The following BGN variants were observed in gnomAD, a reference collection of about 807,000 sequenced individuals.
BGN encodes the protein bone/cartilage proteoglycan-I.
BGN carries 6 observed loss-of-function variants against 20.0 expected under a neutral mutation model. The observed-to-expected ratio is 0.30, with a 90% confidence interval of 0.16 to 0.59. The LOEUF (loss-of-function observed/expected upper bound fraction) is 0.59. Ranked by LOEUF, BGN falls within the 20% of genes least tolerant of loss-of-function variation. The pLI is 0.88. For missense variants in BGN, 292 were observed against 312.1 expected, an observed-to-expected ratio of 0.94 and a Z score of 0.49; for synonymous variants, 146 against 134.6, an observed-to-expected ratio of 1.08 and a Z score of -0.59.
At chrX:153,506,475 C>T in intron 4 of BGN, 54 bp from the exon 5 acceptor site, 1 of 1,098,578 alleles carries the variant, frequency 9.1e-7, no homozygotes, top group Non-Finnish European at 1.2e-6. Flanking sequence ...GTGACAGGAC[C>T]CAGGGCTGTG....
At chrX:153,499,554 C>T (rs782521739) in intron 1 of BGN, among the ~76,000 whole-genome samples, 4 of 113,440 alleles carry the variant, frequency 3.5e-5, no homozygotes, top group Non-Finnish European at 7.5e-5. Flanking sequence ...GGGGAGCAGA[C>T]GCCCAAGCGT....
At chrX:153,496,543 G>A (rs2089715953) in intron 1 of BGN, among the ~76,000 whole-genome samples, 1 of 112,610 alleles carries the variant, frequency 8.9e-6, no homozygotes, top group Non-Finnish European at 1.9e-5. Flanking sequence ...AGGGCTGGGC[G>A]GTGGGAGCAG....
At chrX:153,500,765 G>A (rs782173836) in intron 1 of BGN, among the ~76,000 whole-genome samples, 4 of 110,765 alleles carry the variant, frequency 3.6e-5, no homozygotes, top group South Asian at 7.8e-4. Context: ...AAATGTGTAT[G>A]TGTGCGTGTG....
rs73245886 is a variant in BGN, at chrX:153,501,215, C to T, written c.-11-3406C>T. On this transcript the variant is annotated intron_variant, in intron 1 of 7. Transcript: ENST00000331595. ...GTGTGTTTGTGTGTGTATGTGTGTA[C>T]GTGTGTGTGTGTGCATGTTCTGGCA... Among the ~76,000 whole-genome samples, 465 of 109,730 alleles carry T rather than the reference C, an allele frequency of 4.2e-3. 1 individual carries two copies. Among genetic ancestry groups the T allele is most frequent in the Non-Finnish European group, 7.6e-3 (399 of 52,203 alleles).
At chrX:153,499,600 G>T (rs1174899542) in intron 1 of BGN, among the ~76,000 whole-genome samples, 1 of 113,426 alleles carries the variant, frequency 8.8e-6, no homozygotes, top group Non-Finnish European at 1.9e-5. Flanking sequence ...AACGGCAGGG[G>T]CTTGGAATGT....
At position 153,508,432 on chromosome X, in the gene BGN, A is replaced by C; in HGVS notation, c.1094A>C (p.Asn365Thr). Reference protein sequence around the residue: ...VTDRLAIQFGNYKK With the variant: ...VTDRLAIQFGTYKK ...GACCGCCTGGCCATCCAGTTTGGCA[A>C]CTACAAAAAGTAGAGGCAGCTGCAG... is the stretch of plus-strand genomic sequence containing the variant. The change falls in exon 8 of 8, where the codon AAC (asparagine) becomes ACC (threonine). Residue 365 changes from asparagine (N) to threonine (T), a missense_variant. Coordinates refer to ENST00000331595, the MANE Select transcript of BGN (RefSeq NM_001711.6). 1 of 1,211,672 alleles carries C rather than the reference A, an allele frequency of 8.3e-7. No individual in the cohort carries two copies. Among genetic ancestry groups the C allele is most frequent in the South Asian group, 1.8e-5 (1 of 57,014 alleles).
intron 1 of BGN, among the ~76,000 whole-genome samples, chrX:153,501,807 C>G (rs895364780): frequency 8.9e-6 from 1 of 112,516 alleles, no homozygotes; most frequent in Non-Finnish European, 1.9e-5. Flanking sequence ...TCACGGGGCC[C>G]GGGTGTATGG....
In BGN at chrX:153,508,763, G is replaced by T. The variant is rs743642; in HGVS notation, c.*318G>T. 57,551 of 344,255 alleles carry T rather than the reference G, an allele frequency of 0.17. 5,549 individuals carry two copies. Among genetic ancestry groups the T allele is most frequent in the Admixed American group, 0.43 (8,457 of 19,701 alleles). The allele number at this position is 344,255 out of a possible 1,213,427, so 28.4% of individuals were successfully genotyped here. On this transcript the variant is annotated 3_prime_UTR_variant, in exon 8 of 8. Coordinates refer to ENST00000331595, the MANE Select transcript of BGN (RefSeq NM_001711.6). ...TCACTCCCAAACCCAAGTGTCCAAG[G>T]CTCCAGTCCTAGGAGAACAGTCCCT...
intron 1 of BGN, 58 bp downstream of exon 1, chrX:153,495,171 C>T (rs1277777903): frequency 9.0e-6 from 1 of 110,835 alleles, no homozygotes; most frequent in Non-Finnish European, 1.9e-5. Flanking sequence ...GGCTCTGCTG[C>T]CTCCGCTGTC....
At chrX:153,495,498 T>C (rs2089705862) in intron 1 of BGN, 1 of 112,229 alleles carries the variant, frequency 8.9e-6, no homozygotes, top group East Asian at 2.8e-4. Context: ...TGTTTCATCA[T>C]TGCAAGTCCC....
At chrX:153,502,306 G>T (rs1345646244) in intron 1 of BGN, among the ~76,000 whole-genome samples, 3 of 112,390 alleles carry the variant, frequency 2.7e-5, no homozygotes, top group Admixed American at 1.9e-4. Context: ...CTCTGGCGGG[G>T]TGTCCCAGCC....
chrX:153,496,504 G>T (rs2089715781), intron 1 of BGN, among the ~76,000 whole-genome samples: 1 of 112,817 alleles, frequency 8.9e-6, no homozygotes, highest in African/African-American at 3.2e-5. Flanking sequence ...TATATTGAAA[G>T]GAAGATGCAG....
At chrX:153,504,529 C>T (rs960737458) in intron 1 of BGN, 92 bp from the exon 2 acceptor site, 16 of 774,453 alleles carry the variant, frequency 2.1e-5, no homozygotes, top group African/African-American at 6.3e-5. Flanking sequence ...GGGATGGGAA[C>T]GCAGTGCCAC....
chrX:153,500,219 C>T (rs1252373530), intron 1 of BGN, among the ~76,000 whole-genome samples: 2 of 113,194 alleles, frequency 1.8e-5, no homozygotes, highest in East Asian at 5.6e-4. Context: ...GAGGGGCAGA[C>T]AAGGAGGGCC....
chrX:153,504,699 G>A lies in BGN; in HGVS notation c.68G>A (p.Gly23Asp). Reference protein sequence around the residue: ...LSQALPFEQRGFWDFTLDDGP... With the variant: ...LSQALPFEQRDFWDFTLDDGP... The stretch of plus-strand genomic sequence containing the variant: ...CAGGCCCTGCCCTTTGAGCAGAGAG[G>A]CTTCTGGGACTTCACCCTGGACGAT... Residue 23 changes from glycine to aspartate, a missense_variant, in exon 2 of 8, where the codon GGC (glycine) becomes GAC (aspartate). Physicochemically the swap from Gly to Asp is moderately conservative, Grantham distance 94. Transcript: ENST00000331595. 1.7e-6 allele frequency: 2 copies of A among 1,212,027 alleles called. No homozygotes were observed. Among genetic ancestry groups the A allele is most frequent in the Non-Finnish European group, 2.2e-6 (2 of 895,567 alleles).
At position 153,505,916 on chromosome X, in the gene BGN, C is replaced by A. The variant is rs1556992996; in HGVS notation, c.405C>A (p.Ser135Arg). The A allele has an allele frequency of 8.3e-6, 10 of 1,211,901 alleles. No individual in the cohort carries two copies. Among genetic ancestry groups the A allele is most frequent in the Non-Finnish European group, 1.1e-5 (10 of 895,550 alleles). ...KISKIHEKAFSPLRKLQKLYI... is the reference protein window; with the variant it reads ...KISKIHEKAFRPLRKLQKLYI... ...CCAAGATCCATGAGAAGGCCTTCAG[C>A]CCACTGCGGAAGCTGCAGAAGCTCT... is the stretch of plus-strand genomic sequence containing the variant. The change falls in exon 4 of 8, where the codon AGC becomes AGA. Residue 135 changes from serine to arginine, a missense_variant. By Grantham distance (110) the Ser-to-Arg change is moderately radical (BLOSUM62 -1). Transcript: ENST00000331595.
chrX:153,505,085 C>T lies in BGN; in HGVS notation c.239-153C>T, dbSNP rs113920542. Among the ~76,000 whole-genome samples the T allele has an allele frequency of 0.014, 1,598 of 110,825 alleles. 36 individuals are homozygous for T. The highest frequency in any genetic ancestry group is 0.048 in the African/African-American group (1,472 of 30,394). ...GTCAGTGTCCCTGTGTGTGTGTCCC[C>T]GGTCCTCCCTACCAGTGGGGCTAGT... On this transcript the variant is annotated intron_variant, in intron 2 of 7. Coordinates refer to ENST00000331595, the MANE Select transcript of BGN (RefSeq NM_001711.6).
At chrX:153,500,453 C>T (rs2089748741) in intron 1 of BGN, among the ~76,000 whole-genome samples, 1 of 111,983 alleles carries the variant, frequency 8.9e-6, no homozygotes, top group Non-Finnish European at 1.9e-5. Context: ...GCCCAGAGGC[C>T]TCAGTTGTGG....
At position 153,508,640 on chromosome X, in the gene BGN, C is replaced by A; in HGVS notation, c.*195C>A. 1 of 495,979 alleles carries A rather than the reference C, an allele frequency of 2.0e-6. No individual in the cohort carries two copies. The highest frequency in any genetic ancestry group is 3.3e-6 in the Non-Finnish European group (1 of 302,054). 40.9% of individuals were successfully genotyped at this position (495,979 alleles called of 1,213,427 possible). A position where few individuals can be genotyped will look rare whatever the true frequency, so the allele number is the denominator to read the frequency against. On this transcript the variant is annotated 3_prime_UTR_variant, in exon 8 of 8. Transcript: ENST00000331595. ...TGGCTCCCAAGGGTGCAGGTGGGCG[C>A]AAGGCCCGGCCCCCATCACATGTTC...
Sources: allele counts gnomAD v4.1 joint callset (sites outside exome capture counted in the v4.1 genomes callset), GRCh38; gene constraint gnomAD v4.1.1; transcripts MANE v1.5; gene names NCBI Gene and HGNC (gene_info 2026-07-23, HGNC 2026-07-21).